Variants in NDST3 observed in about 807,000 individuals in gnomAD.
NDST3 encodes bifunctional heparan sulfate N-deacetylase/N-sulfotransferase 3.
NDST3 carries 58 observed loss-of-function variants against 96.1 expected under a neutral mutation model. The ratio of observed to expected loss-of-function variants is 0.60; its 90% CI spans 0.49 to 0.75. The LOEUF (loss-of-function observed/expected upper bound fraction) is 0.75. Ranked by LOEUF, NDST3 falls within the 30% of genes least tolerant of loss-of-function variation. The pLI is 0.00. For missense variants in NDST3, 788 were observed against 1,034.2 expected (o/e 0.76, Z 3.27); for synonymous variants, 333 against 359.7 (o/e 0.93, Z 0.84).
At position 118,240,661 on chromosome 4, in the gene NDST3, C is replaced by A; in HGVS notation, c.2256C>A (p.Ile752=). The change falls in exon 11 of 14, where the codon ATC becomes ATA. Residue 752 remains isoleucine (I), a synonymous_variant. Coordinates refer to ENST00000296499, the MANE Select transcript of NDST3 (RefSeq NM_004784.3). ...CLVPGWYASH[I]ERWLVYFPPF... Reference sequence around the variant, plus strand: ...TCCCGGGGTGGTATGCCAGCCACATCGAGAGATGGCTTGTTTATTTCCCCC... The same window carrying A: ...TCCCGGGGTGGTATGCCAGCCACATAGAGAGATGGCTTGTTTATTTCCCCC... 6.2e-7 allele frequency: 1 copy of A among 1,613,570 alleles called. No homozygotes were observed. The highest frequency in any genetic ancestry group is 8.5e-7 in the Non-Finnish European group (1 of 1,179,778).
chr4:118,096,293 G>A (rs1229895610), intron 2 of NDST3, among the ~76,000 whole-genome samples: 1 of 151,774 alleles, frequency 6.6e-6, no homozygotes, highest in Non-Finnish European at 1.5e-5. Context: ...TCATAAAGCT[G>A]AAAAATCTTT....
chr4:118,199,258 T>C (rs1294517919), intron 6 of NDST3, among the ~76,000 whole-genome samples: 9 of 152,232 alleles, frequency 5.9e-5, no homozygotes, highest in Admixed American at 5.2e-4. Flanking sequence ...CTTTTTGCTT[T>C]TGTCTCCTCT....
At chr4:118,180,980 G>A (rs747130116) in intron 6 of NDST3, among the ~76,000 whole-genome samples, 2 of 152,066 alleles carry the variant, frequency 1.3e-5, no homozygotes, top group Non-Finnish European at 2.9e-5. Flanking sequence ...GACTCATCAG[G>A]CAAAGTGCCA....
intron 2 of NDST3, among the ~76,000 whole-genome samples, chr4:118,102,051 T>C (rs1259140671): frequency 3.3e-5 from 5 of 151,960 alleles, no homozygotes; most frequent in Non-Finnish European, 5.9e-5. Flanking sequence ...TATATAACTA[T>C]ATGCCTGCAA....
At chr4:118,088,739 T>C (rs17593793) in intron 2 of NDST3, among the ~76,000 whole-genome samples, 9,192 of 152,112 alleles carry the variant, frequency 0.06, 320 homozygotes, top group Middle Eastern at 0.082. Flanking sequence ...TAAGCCAGTG[T>C]GCGTATTTTC....
In NDST3 at chr4:118,249,841, T is replaced by C. The variant is rs1024824203; in HGVS notation, c.2400-3658T>C. Among the ~76,000 whole-genome samples the C allele has an allele frequency of 3.9e-5, 6 of 152,102 alleles. No individual in the cohort carries two copies. The South Asian group carries it at 1.2e-3, about 32-fold the overall frequency. On this transcript the variant is annotated intron_variant, in intron 12 of 13. Coordinates refer to ENST00000296499, the MANE Select transcript of NDST3 (RefSeq NM_004784.3). ...CACCCATTGTAATTGTGCAGTTCAA[T>C]GAATACAAATATATACAGTTGTACG... is the stretch of plus-strand genomic sequence containing the variant.
intron 3 of NDST3, among the ~76,000 whole-genome samples, chr4:118,108,191 T>C (rs568861650): frequency 1.3e-5 from 2 of 152,224 alleles, no homozygotes; most frequent in South Asian, 4.2e-4. Flanking sequence ...CCTTGACACA[T>C]GGGGATTATT....
chr4:118,145,093 C>T (rs1490541159), intron 6 of NDST3, among the ~76,000 whole-genome samples: 1 of 152,140 alleles, frequency 6.6e-6, no homozygotes, highest in Non-Finnish European at 1.5e-5. Context: ...CTGGTTTGAA[C>T]ATCAGAAATA....
At chr4:118,089,483 C>T (rs1021549755) in intron 2 of NDST3, among the ~76,000 whole-genome samples, 2 of 151,894 alleles carry the variant, frequency 1.3e-5, no homozygotes, top group African/African-American at 4.8e-5. Flanking sequence ...AAAATCGTGG[C>T]ATCTTTCCCA....
intron 9 of NDST3, among the ~76,000 whole-genome samples, chr4:118,234,147 C>T (rs749002847): frequency 6.6e-6 from 1 of 152,138 alleles, no homozygotes; most frequent in African/African-American, 2.4e-5. Flanking sequence ...CACAGTGGCT[C>T]ACATGTGTAA....
intron 6 of NDST3, among the ~76,000 whole-genome samples, chr4:118,209,923 T>G (rs760030625): frequency 2.6e-5 from 4 of 152,154 alleles, no homozygotes; most frequent in African/African-American, 4.8e-5. Context: ...TAAGGTGACA[T>G]CTTTTGTCTC....
intron 2 of NDST3, among the ~76,000 whole-genome samples, chr4:118,065,348 G>A (rs890097952): frequency 6.6e-5 from 10 of 151,970 alleles, no homozygotes; most frequent in Non-Finnish European, 1.3e-4. Context: ...AGTTAACTAG[G>A]GAAAATTAAA....
At chr4:118,080,717 CA>C (rs1727942275) in intron 2 of NDST3, among the ~76,000 whole-genome samples, 2 of 152,034 alleles carry the variant, frequency 1.3e-5, no homozygotes, top group African/African-American at 4.8e-5. Context: ...GAGTAATACA[CA>C]TAGGCTCCCT....
intron 2 of NDST3, among the ~76,000 whole-genome samples, chr4:118,090,842 T>C (rs562867474): frequency 1.3e-5 from 2 of 152,040 alleles, no homozygotes; most frequent in Non-Finnish European, 2.9e-5. Context: ...AGAGCCTTTA[T>C]AACATAGAAG....
At chr4:118,192,713 GTTT>G (rs200456098) in intron 6 of NDST3, among the ~76,000 whole-genome samples, 1 of 144,818 alleles carries the variant, frequency 6.9e-6, no homozygotes. Context: ...TTTTTTGTGG[GTTT>G]TTTTTTTTGT....
intron 6 of NDST3, among the ~76,000 whole-genome samples, chr4:118,144,154 G>A (rs778957132): frequency 3.3e-5 from 5 of 151,934 alleles, no homozygotes; most frequent in Non-Finnish European, 5.9e-5. Context: ...TAGGTCATAG[G>A]CTGAAGCAGA....
chr4:118,122,884 G>A, intron 4 of NDST3, among the ~76,000 whole-genome samples: 1 of 152,134 alleles, frequency 6.6e-6, no homozygotes, highest in East Asian at 1.9e-4. Context: ...AGAAAGCAAG[G>A]CTTAGAGAGC....
chr4:118,111,488 T>C (rs180727062), intron 3 of NDST3, among the ~76,000 whole-genome samples: 1 of 151,856 alleles, frequency 6.6e-6, no homozygotes, highest in African/African-American at 2.4e-5. Context: ...TCCAACCAAA[T>C]GTAATTAACC....
intron 4 of NDST3, among the ~76,000 whole-genome samples, chr4:118,120,875 A>AT (rs1420320026): frequency 1.3e-5 from 2 of 152,036 alleles, no homozygotes; most frequent in African/African-American, 4.8e-5. Flanking sequence ...ATGGTAAAAT[A>AT]TTTTTTCTTT....
Sources: allele counts gnomAD v4.1 joint callset (sites outside exome capture counted in the v4.1 genomes callset), GRCh38; gene constraint gnomAD v4.1.1; transcripts MANE v1.5; gene names NCBI Gene and HGNC (gene_info 2026-07-23, HGNC 2026-07-21).